Variants in PLXDC2 observed in about 807,000 individuals in gnomAD.
The protein encoded by PLXDC2 is plexin domain containing 2.
Under a neutral mutation model 68.9 loss-of-function variants are expected in PLXDC2, and 40 were observed. That is an observed-to-expected ratio of 0.58 (90% CI 0.45 to 0.76). The LOEUF (loss-of-function observed/expected upper bound fraction) is 0.76. Ranked by LOEUF, PLXDC2 falls within the 30% of genes least tolerant of loss-of-function variation. The pLI, the probability that PLXDC2 is intolerant of heterozygous loss-of-function variation, is 0.00. For synonymous variants in PLXDC2, 243 were observed against 234.2 expected (o/e 1.04, Z -0.34); for missense variants, 644 against 661.9 (o/e 0.97, Z 0.30).
At chr10:20,231,715 A>G (rs764933676) in intron 12 of PLXDC2, among the ~76,000 whole-genome samples, 1 of 152,058 alleles carries the variant, frequency 6.6e-6, no homozygotes, top group Non-Finnish European at 1.5e-5. Flanking sequence ...AATTATAAAC[A>G]TCAAAATTCA....
At chr10:19,836,140 G>T (rs571829738) in intron 1 of PLXDC2, among the ~76,000 whole-genome samples, 1 of 151,958 alleles carries the variant, frequency 6.6e-6, no homozygotes, top group Non-Finnish European at 1.5e-5. Context: ...TTGGTCCACC[G>T]CACTCCAGCC....
chr10:19,922,768 A>G lies in PLXDC2; in HGVS notation c.113-79007A>G, dbSNP rs1038472488. 2.0e-5 allele frequency among the ~76,000 whole-genome samples: 3 copies of G among 152,178 alleles called. No individual in the cohort carries two copies. In the South Asian group the frequency reaches 6.2e-4, roughly 31 times the overall value. ...ACTAAAACATGTTTTGAAAGCTTAT[A>G]AAGTTGGTCTCCAGTGCCAGAAATT... On this transcript the variant is annotated intron_variant, in intron 1 of 13. Coordinates refer to ENST00000377252, the MANE Select transcript of PLXDC2 (RefSeq NM_032812.9).
chr10:20,009,428 CAT>C (rs1332295737), intron 2 of PLXDC2, among the ~76,000 whole-genome samples: 1 of 151,900 alleles, frequency 6.6e-6, no homozygotes, highest in Non-Finnish European at 1.5e-5. Flanking sequence ...AGATGTTTAA[CAT>C]GTGGCTGCAA....
chr10:20,014,613 C>T (rs1266937524), intron 2 of PLXDC2, among the ~76,000 whole-genome samples: 2 of 151,996 alleles, frequency 1.3e-5, no homozygotes, highest in African/African-American at 2.4e-5. Context: ...TTACTTTTGC[C>T]GTGAGAGTCA....
At chr10:20,262,187 T>C (rs1195041363) in intron 13 of PLXDC2, among the ~76,000 whole-genome samples, 2 of 152,086 alleles carry the variant, frequency 1.3e-5, no homozygotes, top group Non-Finnish European at 2.9e-5. Flanking sequence ...CCCACAGATA[T>C]TTGCACCCAC....
At chr10:19,967,196 G>A (rs1209446716) in intron 1 of PLXDC2, among the ~76,000 whole-genome samples, 1 of 151,960 alleles carries the variant, frequency 6.6e-6, no homozygotes, top group Non-Finnish European at 1.5e-5. Flanking sequence ...TAAATTTTTG[G>A]GTGTAGAAAA....
chr10:19,833,846 T>G (rs1836740225), intron 1 of PLXDC2, among the ~76,000 whole-genome samples: 1 of 152,044 alleles, frequency 6.6e-6, no homozygotes, highest in Non-Finnish European at 1.5e-5. Context: ...GTTCTAAGAT[T>G]GCATCAATGA....
At position 19,925,949 on chromosome 10, in the gene PLXDC2, C is replaced by T. The variant is rs117739334; in HGVS notation, c.113-75826C>T. On this transcript the variant is annotated intron_variant, in intron 1 of 13. Transcript: ENST00000377252. ...AAACTCTATGCTCATTATATTGATC[C>T]GCTGGCATTAGAGAGCTCCCACATA... 4.7e-3 allele frequency among the ~76,000 whole-genome samples: 723 copies of T among 152,268 alleles called. 3 individuals carry two copies. The highest frequency in any genetic ancestry group is 6.8e-3 in the Middle Eastern group (2 of 294).
intron 4 of PLXDC2, among the ~76,000 whole-genome samples, chr10:20,102,359 AG>A (rs1445331903): frequency 6.6e-6 from 1 of 152,172 alleles, no homozygotes; most frequent in Non-Finnish European, 1.5e-5. Flanking sequence ...TATCTGTCTG[AG>A]GGTAAAAAGA....
intron 4 of PLXDC2, among the ~76,000 whole-genome samples, chr10:20,115,958 G>A (rs1233681992): frequency 6.6e-6 from 1 of 152,126 alleles, no homozygotes; most frequent in Non-Finnish European, 1.5e-5. Flanking sequence ...GCAGCACGAT[G>A]ACCCTTTTTA....
intron 4 of PLXDC2, among the ~76,000 whole-genome samples, chr10:20,077,105 TA>T (rs59447617): frequency 0.078 from 11,909 of 152,122 alleles, 985 homozygotes; most frequent in African/African-American, 0.21. Context: ...TAATCAAGGG[TA>T]AGATGACTGG....
chr10:20,028,129 A>G (rs115038796), intron 2 of PLXDC2, among the ~76,000 whole-genome samples: 1,882 of 152,306 alleles, frequency 0.012, 45 homozygotes, highest in African/African-American at 0.043. Flanking sequence ...TGCAATTTGG[A>G]CATTTCAGCT....
chr10:20,154,575 A>AC (rs1410422395), intron 6 of PLXDC2, among the ~76,000 whole-genome samples: 1 of 151,908 alleles, frequency 6.6e-6, no homozygotes, highest in Non-Finnish European at 1.5e-5. Flanking sequence ...AAAAAAAAAA[A>AC]AAATGTATTT....
At chr10:20,126,030 A>C (rs759522978) in intron 4 of PLXDC2, among the ~76,000 whole-genome samples, 3 of 148,378 alleles carry the variant, frequency 2.0e-5, no homozygotes, top group Non-Finnish European at 4.5e-5. Context: ...ATATACACAC[A>C]TACATTTGTA....
At chr10:20,256,273 C>G (rs886636531) in intron 13 of PLXDC2, among the ~76,000 whole-genome samples, 4 of 151,756 alleles carry the variant, frequency 2.6e-5, no homozygotes, top group African/African-American at 9.7e-5. Flanking sequence ...GCTGGGATTA[C>G]AGGCGCCCAC....
intron 1 of PLXDC2, among the ~76,000 whole-genome samples, chr10:19,864,382 A>G (rs1232724107): frequency 6.6e-6 from 1 of 152,228 alleles, no homozygotes; most frequent in Non-Finnish European, 1.5e-5. Context: ...ATAGGCATCT[A>G]TCTGGCACAC....
intron 9 of PLXDC2, among the ~76,000 whole-genome samples, chr10:20,189,877 G>T (rs1474890429): frequency 6.6e-6 from 1 of 151,488 alleles, no homozygotes; most frequent in Non-Finnish European, 1.5e-5. Flanking sequence ...TTTAATGAGG[G>T]ACGTGGATAA....
chr10:19,860,672 G>A (rs1837302200), intron 1 of PLXDC2, among the ~76,000 whole-genome samples: 2 of 152,086 alleles, frequency 1.3e-5, no homozygotes, highest in African/African-American at 2.4e-5. Context: ...TATACCCAGG[G>A]CCCAGCACCA....
intron 3 of PLXDC2, among the ~76,000 whole-genome samples, chr10:20,047,574 T>A (rs1428576549): frequency 6.6e-6 from 1 of 152,118 alleles, no homozygotes; most frequent in African/African-American, 2.4e-5. Flanking sequence ...CCTAAGTGTG[T>A]CTCCTGAAAT....
Sources: allele counts gnomAD v4.1 joint callset (sites outside exome capture counted in the v4.1 genomes callset), GRCh38; gene constraint gnomAD v4.1.1; transcripts MANE v1.5; gene names NCBI Gene and HGNC (gene_info 2026-07-23, HGNC 2026-07-21).